Variants in USP53 observed in about 807,000 individuals in gnomAD.
USP53 encodes ubiquitin carboxyl-terminal hydrolase 53.
In USP53, 71 loss-of-function variants were observed where a neutral mutation model predicts 94.9. That is an observed-to-expected ratio of 0.75 (90% confidence interval 0.62 to 0.91). The LOEUF (loss-of-function observed/expected upper bound fraction) is 0.91. USP53 is among the 40% of genes least tolerant of loss of function. USP53 has a pLI of 0.00. For synonymous variants in USP53, 375 were observed against 422.7 expected, an observed-to-expected ratio of 0.89 and a Z score of 1.39; for missense variants, 1,173 against 1,281.0, an observed-to-expected ratio of 0.92 and a Z score of 1.29.
intron 3 of USP53, among the ~76,000 whole-genome samples, chr4:119,224,191 G>A (rs1744944198): frequency 6.6e-6 from 1 of 151,966 alleles, no homozygotes; most frequent in African/African-American, 2.4e-5. Flanking sequence ...GTAGAGACGG[G>A]GTTTCACCAT....
intron 17 of USP53, among the ~76,000 whole-genome samples, chr4:119,282,915 A>T (rs1327876284): frequency 6.6e-6 from 1 of 152,058 alleles, no homozygotes; most frequent in Non-Finnish European, 1.5e-5. Context: ...AAAGAGCCTT[A>T]GAAATTTCTT....
At chr4:119,231,917 C>A (rs1466262212) in intron 3 of USP53, among the ~76,000 whole-genome samples, 1 of 151,770 alleles carries the variant, frequency 6.6e-6, no homozygotes, top group Non-Finnish European at 1.5e-5. Flanking sequence ...TACCAAAATT[C>A]CAGATTTCCA....
intron 2 of USP53, among the ~76,000 whole-genome samples, chr4:119,216,161 C>A (rs1400191314): frequency 6.6e-6 from 1 of 152,106 alleles, no homozygotes; most frequent in East Asian, 1.9e-4. Flanking sequence ...AGGCGGATCA[C>A]TTGAGGCCAG....
intron 17 of USP53, among the ~76,000 whole-genome samples, chr4:119,278,151 A>T (rs1752909655): frequency 1.3e-5 from 2 of 148,568 alleles, no homozygotes; most frequent in Admixed American, 6.7e-5. Flanking sequence ...TTATGATGTT[A>T]GCTGGTGATT....
chr4:119,291,936 A>G (rs1410644322), intron 18 of USP53, among the ~76,000 whole-genome samples: 1 of 152,062 alleles, frequency 6.6e-6, no homozygotes, highest in Non-Finnish European at 1.5e-5. Flanking sequence ...TTCTACCTCT[A>G]TTGCCTTTAA....
chr4:119,215,681 AG>A (rs1419367544), intron 2 of USP53, among the ~76,000 whole-genome samples: 1 of 151,926 alleles, frequency 6.6e-6, no homozygotes, highest in East Asian at 1.9e-4. Flanking sequence ...CATTATTCAT[AG>A]GGGGCTTCAT....
Sources: allele counts gnomAD v4.1 joint callset (sites outside exome capture counted in the v4.1 genomes callset), GRCh38; gene constraint gnomAD v4.1.1; transcripts MANE v1.5; gene names NCBI Gene and HGNC (gene_info 2026-07-23, HGNC 2026-07-21).